Variants in SCFD2 observed in about 807,000 individuals in gnomAD.
The protein encoded by SCFD2 is sec1 family domain containing 2.
Under a neutral mutation model 58.9 loss-of-function variants are expected in SCFD2, and 54 were observed. That is an observed-to-expected ratio of 0.92 (90% confidence interval 0.74 to 1.15). The LOEUF is 1.15. Among genes scored for constraint, SCFD2 ranks in the 50% most tolerant of loss-of-function variants. The pLI, the probability that SCFD2 is intolerant of heterozygous loss-of-function variation, is 0.00. For synonymous variants in SCFD2, 321 were observed against 335.9 expected (o/e 0.96, Z 0.49); for missense variants, 805 against 836.6 (o/e 0.96, Z 0.47).
chr4:53,001,608 T>C (rs1721867119), intron 5 of SCFD2, among the ~76,000 whole-genome samples: 1 of 152,252 alleles, frequency 6.6e-6, no homozygotes, highest in Non-Finnish European at 1.5e-5. Flanking sequence ...ATTATTTTAG[T>C]AGTTTAATCT....
At chr4:52,896,768 C>T (rs1435531372) in intron 7 of SCFD2, among the ~76,000 whole-genome samples, 3 of 152,188 alleles carry the variant, frequency 2.0e-5, no homozygotes, top group Admixed American at 6.5e-5. Flanking sequence ...GCCATTTTCA[C>T]GATATTGATT....
chr4:52,900,726 C>T (rs908729164), intron 7 of SCFD2, among the ~76,000 whole-genome samples: 1 of 152,214 alleles, frequency 6.6e-6, no homozygotes, highest in Non-Finnish European at 1.5e-5. Flanking sequence ...TTGTCTGTGC[C>T]CTGCCCCCAG....
intron 6 of SCFD2, among the ~76,000 whole-genome samples, chr4:52,909,764 G>A (rs187103323): frequency 6.6e-6 from 1 of 152,200 alleles, no homozygotes; most frequent in Non-Finnish European, 1.5e-5. Context: ...TCTAGGTTCA[G>A]GAAGTAGGAG....
chr4:53,298,307 C>G (rs995715286), intron 3 of SCFD2, among the ~76,000 whole-genome samples: 3 of 152,204 alleles, frequency 2.0e-5, no homozygotes, highest in African/African-American at 7.2e-5. Context: ...TATCCGGCAC[C>G]TGGCTCAGAG....
At chr4:53,207,959 CT>C (rs137857188) in intron 4 of SCFD2, among the ~76,000 whole-genome samples, 24,823 of 144,886 alleles carry the variant, frequency 0.17, 2,594 homozygotes, top group Admixed American at 0.26. Context: ...CTTTTCTTTT[CT>C]TTTTTTTTTT....
At chr4:52,992,449 C>A (rs1429813752) in intron 5 of SCFD2, among the ~76,000 whole-genome samples, 1 of 152,234 alleles carries the variant, frequency 6.6e-6, no homozygotes. Context: ...GGGCCGCCAC[C>A]CCGTCTGGGA....
chr4:53,263,547 C>T (rs1312994313), intron 4 of SCFD2, among the ~76,000 whole-genome samples: 3 of 152,180 alleles, frequency 2.0e-5, no homozygotes, highest in African/African-American at 4.8e-5. Flanking sequence ...AGTGGAGCTA[C>T]AAGGTTTCAG....
At chr4:53,309,199 T>TTTGTTCAG (rs1043183213) in intron 3 of SCFD2, among the ~76,000 whole-genome samples, 1 of 151,942 alleles carries the variant, frequency 6.6e-6, no homozygotes, top group African/African-American at 2.4e-5. Flanking sequence ...AGACAACATC[T>TTTGTTCAG]TTGTTCAGTT....
intron 4 of SCFD2, among the ~76,000 whole-genome samples, chr4:53,149,776 C>A (rs1726452883): frequency 6.6e-6 from 1 of 152,112 alleles, no homozygotes; most frequent in Non-Finnish European, 1.5e-5. Context: ...TCCCCAGAAC[C>A]CATAACCCTA....
At chr4:53,137,606 T>G (rs988712503) in intron 5 of SCFD2, among the ~76,000 whole-genome samples, 1 of 152,230 alleles carries the variant, frequency 6.6e-6, no homozygotes, top group Non-Finnish European at 1.5e-5. Context: ...GCCTCTATCA[T>G]GAACCACTGC....
chr4:53,221,099 G>A (rs955310135), intron 4 of SCFD2, among the ~76,000 whole-genome samples: 14 of 152,150 alleles, frequency 9.2e-5, no homozygotes, highest in African/African-American at 2.7e-4. Flanking sequence ...ACCCACAATT[G>A]GCCAGGCACT....
chr4:53,365,615 G>A lies in SCFD2; in HGVS notation c.327C>T (p.His109=), dbSNP rs1734676507. Reference sequence around the variant, plus strand: ...CATGATTAGCTGTGAGGTGGACAGCGTGGCTCACGGTTGTGACCACCACAC... The same window carrying A: ...CATGATTAGCTGTGAGGTGGACAGCATGGCTCACGGTTGTGACCACCACAC... ...QYCVVVTTVS[H]AVHLTANHVP... The change falls in exon 1 of 9, where the codon CAC becomes CAT. Residue 109 remains histidine (H), a synonymous_variant. Coordinates refer to ENST00000401642, the MANE Select transcript of SCFD2 (RefSeq NM_152540.4). This position sits in a 1 kb window ranked among gnomAD's most constrained non-coding sequence, Gnocchi z 4.3. The A allele has an allele frequency of 6.2e-7, 1 of 1,614,114 alleles. No homozygotes were observed. Among genetic ancestry groups the A allele is most frequent in the Non-Finnish European group, 8.5e-7 (1 of 1,180,052 alleles).
chr4:53,313,140 G>A (rs1484739898), intron 3 of SCFD2, among the ~76,000 whole-genome samples: 1 of 152,150 alleles, frequency 6.6e-6, no homozygotes, highest in East Asian at 1.9e-4. Context: ...TCCTGGTGAA[G>A]AAGAAATAAC....
At chr4:52,882,986 C>T (rs1406861887) in intron 8 of SCFD2, among the ~76,000 whole-genome samples, 1 of 152,172 alleles carries the variant, frequency 6.6e-6, no homozygotes, top group Non-Finnish European at 1.5e-5. Context: ...GCTGTTTACA[C>T]CAATGATCAA....
intron 4 of SCFD2, among the ~76,000 whole-genome samples, chr4:53,178,213 C>T (rs1176996695): frequency 6.6e-6 from 1 of 152,168 alleles, no homozygotes; most frequent in Admixed American, 6.5e-5. Context: ...CAAGTGGGTC[C>T]CTGACCCCCG....
chr4:53,110,093 C>T (rs1210046215), intron 5 of SCFD2, among the ~76,000 whole-genome samples: 1 of 141,260 alleles, frequency 7.1e-6, no homozygotes, highest in Admixed American at 7.3e-5. Context: ...CACGACACAC[C>T]TACAACCATC....
At chr4:53,233,789 A>G (rs1398936739) in intron 4 of SCFD2, among the ~76,000 whole-genome samples, 1 of 152,208 alleles carries the variant, frequency 6.6e-6, no homozygotes, top group African/African-American at 2.4e-5. Flanking sequence ...CATTAAAATA[A>G]CTATTCTGCA....
intron 5 of SCFD2, among the ~76,000 whole-genome samples, chr4:53,139,761 A>C (rs1303375712): frequency 6.6e-6 from 1 of 152,238 alleles, no homozygotes; most frequent in Non-Finnish European, 1.5e-5. Context: ...TTTGTCGAAT[A>C]GAAAGGGGGG....
intron 5 of SCFD2, among the ~76,000 whole-genome samples, chr4:53,106,980 G>A (rs1725022147): frequency 6.6e-6 from 1 of 152,162 alleles, no homozygotes; most frequent in African/African-American, 2.4e-5. Flanking sequence ...CAGAGAGAAA[G>A]GTCGGGTTAC....
Sources: gnomAD v4.1 joint callset for allele counts (sites outside exome capture counted in the v4.1 genomes callset) on GRCh38, gnomAD v4.1.1 for gene constraint, Gnocchi (gnomAD v3.1) non-coding constraint, MANE v1.5 for transcripts, NCBI Gene and HGNC (gene_info 2026-07-23, HGNC 2026-07-21) for gene names.